The following PPP1R12A variants were observed in gnomAD, a reference collection of about 807,000 sequenced individuals.
PPP1R12A encodes myosin binding subunit.
A neutral mutation model predicts 139.6 loss-of-function variants in PPP1R12A; 19 were observed. The ratio of observed to expected loss-of-function variants is 0.14; its 90% CI spans 0.09 to 0.20. PPP1R12A has a LOEUF of 0.20. PPP1R12A is among the 10% of genes least tolerant of loss of function. The pLI is 1.00. For missense variants in PPP1R12A, 925 were observed against 1,211.5 expected (o/e 0.76, Z 3.51); for synonymous variants, 427 against 420.6 (o/e 1.02, Z -0.19).
chr12:79,904,729 T>G (rs1180536931), intron 1 of PPP1R12A, among the ~76,000 whole-genome samples: 1 of 152,176 alleles, frequency 6.6e-6, no homozygotes, highest in Non-Finnish European at 1.5e-5. Context: ...CGTGAAAGCA[T>G]CTGCAGATTT....
intron 14 of PPP1R12A, among the ~76,000 whole-genome samples, chr12:79,803,390 T>C (rs1873434573): frequency 6.6e-6 from 1 of 152,144 alleles, no homozygotes; most frequent in African/African-American, 2.4e-5. Flanking sequence ...ATAGTTGCCT[T>C]TATCATTGCT....
intron 1 of PPP1R12A, among the ~76,000 whole-genome samples, chr12:79,909,067 C>G (rs561914692): frequency 6.6e-6 from 1 of 152,168 alleles, no homozygotes; most frequent in Non-Finnish European, 1.5e-5. Context: ...CCTGGTGATT[C>G]AAGTAGTCCA....
At chr12:79,893,727 T>C (rs990790726) in intron 1 of PPP1R12A, among the ~76,000 whole-genome samples, 3 of 152,202 alleles carry the variant, frequency 2.0e-5, no homozygotes, top group African/African-American at 7.2e-5. Flanking sequence ...ACACTTTCCT[T>C]TTTCCTACAT....
intron 1 of PPP1R12A, among the ~76,000 whole-genome samples, chr12:79,924,273 C>T (rs1252503946): frequency 1.3e-5 from 2 of 151,246 alleles, no homozygotes; most frequent in Admixed American, 1.3e-4. Context: ...CTACAGAGTT[C>T]TTAAGTAGAT....
chr12:79,913,198 C>T (rs915322892), intron 1 of PPP1R12A, among the ~76,000 whole-genome samples: 9 of 152,334 alleles, frequency 5.9e-5, no homozygotes, highest in Non-Finnish European at 1.2e-4. Context: ...CATGTGCACA[C>T]GCATATGCAC....
intron 1 of PPP1R12A, among the ~76,000 whole-genome samples, chr12:79,927,208 CCACACCCACACA>C (rs1887913371): frequency 6.6e-6 from 1 of 151,870 alleles, no homozygotes; most frequent in Non-Finnish European, 1.5e-5. Flanking sequence ...CATACACACA[CCACACCCACACA>C]CACACCCAAC....
At chr12:79,918,262 G>C (rs1887158732) in intron 1 of PPP1R12A, among the ~76,000 whole-genome samples, 1 of 151,972 alleles carries the variant, frequency 6.6e-6, no homozygotes. Context: ...TCAGAGGCAA[G>C]TAAGAGAACA....
intron 21 of PPP1R12A, 38 bp from the exon 22 acceptor site, chr12:79,786,516 G>T: frequency 7.7e-7 from 1 of 1,293,322 alleles, no homozygotes; most frequent in Non-Finnish European, 1.1e-6. Context: ...TTACTTTTCT[G>T]CTCTCCTATT....
rs572923796 is a variant in PPP1R12A, at chr12:79,816,990, G to A, written c.1239+404C>T. On this transcript the variant is annotated intron_variant, in intron 9 of 24. Coordinates refer to ENST00000450142, the MANE Select transcript of PPP1R12A (RefSeq NM_002480.3). Reference sequence around the variant, plus strand: ...TGGTAGTAGTATTTGTAATTTACCCGTGTGTGAAATTATCAACATGCACAC... The same window carrying A: ...TGGTAGTAGTATTTGTAATTTACCCATGTGTGAAATTATCAACATGCACAC... 7.9e-5 allele frequency among the ~76,000 whole-genome samples: 12 copies of A among 151,630 alleles called. No individual in the cohort carries two copies. The South Asian group carries it at 8.4e-4, about 11-fold the overall frequency.
intron 1 of PPP1R12A, among the ~76,000 whole-genome samples, chr12:79,876,998 A>C (rs1006976466): frequency 6.7e-6 from 1 of 149,116 alleles, no homozygotes; most frequent in Admixed American, 6.6e-5. Flanking sequence ...GCAACAGAGC[A>C]AGACTCCATC....
intron 14 of PPP1R12A, among the ~76,000 whole-genome samples, chr12:79,804,943 C>G (rs1873641183): frequency 6.6e-6 from 1 of 152,128 alleles, no homozygotes; most frequent in Non-Finnish European, 1.5e-5. Context: ...CTTTGTACAT[C>G]TATGATTCCA....
rs775622023 is a variant in PPP1R12A at position 79,796,903 on chromosome 12, T to C, written c.2340A>G (p.Pro780=). The C allele has an allele frequency of 6.2e-7, 1 of 1,612,762 alleles. No homozygotes were observed. The highest frequency in any genetic ancestry group is 1.1e-5 in the South Asian group (1 of 90,916). ...RPVSTSSSTT[P]SSSLSTMSSS... ...TGCTCATAGTAGAAAGTGAAGAGGA[T>C]GGAGTGGTTGAACTTGAAGTTGATA... The change falls in exon 17 of 25, where the codon CCA becomes CCG. Residue 780 remains proline, a synonymous_variant. Coordinates refer to ENST00000450142, the MANE Select transcript of PPP1R12A (RefSeq NM_002480.3).
chr12:79,800,544 TA>T (rs1324078087), intron 14 of PPP1R12A, among the ~76,000 whole-genome samples: 1 of 152,124 alleles, frequency 6.6e-6, no homozygotes, highest in African/African-American at 2.4e-5. Context: ...TAATTTAGAT[TA>T]GGGGGACTCA....
chr12:79,846,876 T>C (rs1314639808), intron 2 of PPP1R12A, among the ~76,000 whole-genome samples: 2 of 152,126 alleles, frequency 1.3e-5, no homozygotes, highest in African/African-American at 2.4e-5. Flanking sequence ...ACCAACAATA[T>C]AGAACTACTT....
Position 79,805,859 on chromosome 12 carries a change from C to A in PPP1R12A, c.1824-91G>T. 3 of 1,327,644 alleles carry A rather than the reference C, an allele frequency of 2.3e-6. No individual in the cohort carries two copies. In the South Asian group the frequency reaches 4.6e-5, roughly 20 times the overall value. 82.2% of individuals were successfully genotyped at this position (1,327,644 alleles called of 1,614,324 possible). On this transcript the variant is annotated intron_variant, in intron 13 of 24. Transcript: ENST00000450142. ...TCTAGCAGCTGAAAACACATGACTA[C>A]AGGGATGGATTTTTTTAAAACGCAA...
intron 24 of PPP1R12A, chr12:79,777,041 G>C (rs996336897): frequency 2.2e-6 from 1 of 458,312 alleles, no homozygotes; most frequent in African/African-American, 2.1e-5. Context: ...GTAATATTAA[G>C]TTTATTCATT....
At chr12:79,817,314 T>A (rs1321590937) in intron 9 of PPP1R12A, 80 bp downstream of exon 9, 1 of 1,325,904 alleles carries the variant, frequency 7.5e-7, no homozygotes, top group African/African-American at 1.5e-5. Flanking sequence ...CTATAAAAAT[T>A]CAGAATTACT....
intron 1 of PPP1R12A, among the ~76,000 whole-genome samples, chr12:79,925,715 C>A (rs1887788351): frequency 6.6e-6 from 1 of 152,098 alleles, no homozygotes; most frequent in African/African-American, 2.4e-5. Context: ...ACACTTAGGG[C>A]AGTAACACAG....
chr12:79,840,996 A>T (rs2137190077), intron 3 of PPP1R12A, among the ~76,000 whole-genome samples: 1 of 151,580 alleles, frequency 6.6e-6, no homozygotes. Context: ...GTCCCAATGA[A>T]TGTGTCTGTC....
Sources: allele counts gnomAD v4.1 joint callset (sites outside exome capture counted in the v4.1 genomes callset), GRCh38; gene constraint gnomAD v4.1.1; transcripts MANE v1.5; gene names NCBI Gene and HGNC (gene_info 2026-07-23, HGNC 2026-07-21).